The following CNOT6L variants were observed in gnomAD, a reference collection of about 807,000 sequenced individuals.
CNOT6L encodes CCR4-NOT transcription complex subunit 6 like.
A neutral mutation model predicts 64.0 loss-of-function variants in CNOT6L; 7 were observed. The ratio of observed to expected loss-of-function variants is 0.11; its 90% CI spans 0.06 to 0.21. The LOEUF is 0.21. Ranked by LOEUF, CNOT6L falls within the 10% of genes least tolerant of loss-of-function variation. CNOT6L has a pLI of 1.00. For synonymous variants in CNOT6L, 193 were observed against 243.4 expected (o/e 0.79, Z 1.93); for missense variants, 245 against 669.0 (o/e 0.37, Z 6.99).
chr4:77,802,814 G>A (rs954606009), intron 1 of CNOT6L, among the ~76,000 whole-genome samples: 5 of 152,096 alleles, frequency 3.3e-5, no homozygotes, highest in Admixed American at 2.6e-4. Flanking sequence ...GTGGCTAGAC[G>A]GGAATCTGAA....
chr4:77,731,051 A>G lies in CNOT6L; in HGVS notation c.1024+336T>C, dbSNP rs72864910. Among the ~76,000 whole-genome samples, 271 of 152,228 alleles carry G rather than the reference A, an allele frequency of 1.8e-3. 2 individuals are homozygous for G. The highest frequency in any genetic ancestry group is 5.4e-3 in the African/African-American group (226 of 41,560). On this transcript the variant is annotated intron_variant, in intron 9 of 11. Transcript: ENST00000504123. ...AGAATCACACTCAAGCTAAAAATAT[A>G]ATTCAAAAAGAGGGCCAAGTCATCA...
At chr4:77,785,921 AG>A (rs1729382488) in intron 1 of CNOT6L, among the ~76,000 whole-genome samples, 1 of 152,170 alleles carries the variant, frequency 6.6e-6, no homozygotes, top group Admixed American at 6.5e-5. Context: ...CCCTCAAGGA[AG>A]GGGGTTGTAG....
At chr4:77,777,478 GACAAATGGCTCTAA>G (rs1728278950) in intron 1 of CNOT6L, among the ~76,000 whole-genome samples, 1 of 152,172 alleles carries the variant, frequency 6.6e-6, no homozygotes, top group African/African-American at 2.4e-5. Context: ...TGAAGTAGGT[GACAAATGGCTCTAA>G]AGGTAACCTT....
At chr4:77,787,397 TC>T (rs1340017808) in intron 1 of CNOT6L, among the ~76,000 whole-genome samples, 1 of 152,202 alleles carries the variant, frequency 6.6e-6, no homozygotes, top group Non-Finnish European at 1.5e-5. Context: ...GCCTATATCC[TC>T]TAATGATTTA....
chr4:77,748,487 G>A (rs1724455635), intron 5 of CNOT6L, 103 bp from the exon 6 acceptor site: 2 of 763,604 alleles, frequency 2.6e-6, no homozygotes, highest in South Asian at 1.5e-5. Context: ...TGCTGTAACG[G>A]CCTGCAAACT....
At chr4:77,744,558 C>T (rs1263791750) in intron 7 of CNOT6L, among the ~76,000 whole-genome samples, 160 bp downstream of exon 7, 1 of 152,152 alleles carries the variant, frequency 6.6e-6, no homozygotes, top group Admixed American at 6.5e-5. Flanking sequence ...ATGGAAATGT[C>T]TTAAATGCTT....
intron 5 of CNOT6L, among the ~76,000 whole-genome samples, chr4:77,752,704 T>G (rs537934008): frequency 6.6e-6 from 1 of 151,778 alleles, no homozygotes; most frequent in Non-Finnish European, 1.5e-5. Flanking sequence ...GCTTGTGAGA[T>G]ACAGCTAAAA....
At chr4:77,773,472 C>A (rs1163997582) in intron 3 of CNOT6L, among the ~76,000 whole-genome samples, 1 of 152,102 alleles carries the variant, frequency 6.6e-6, no homozygotes, top group Non-Finnish European at 1.5e-5. Flanking sequence ...ACCCAAAATG[C>A]CTATCAAATG....
chr4:77,790,300 C>T (rs1379845325), intron 1 of CNOT6L, among the ~76,000 whole-genome samples: 4 of 152,122 alleles, frequency 2.6e-5, no homozygotes, highest in African/African-American at 9.7e-5. Flanking sequence ...GTTTATTTAT[C>T]CACTCACCTA....
chr4:77,718,547 T>C lies in CNOT6L; in HGVS notation c.*1884A>G, dbSNP rs1241534854. The C allele has an allele frequency of 6.6e-6, 1 of 152,578 alleles. No homozygotes were observed. Among genetic ancestry groups the C allele is most frequent in the Non-Finnish European group, 1.5e-5 (1 of 68,016 alleles). 9.5% of individuals were successfully genotyped at this position (152,578 alleles called of 1,614,324 possible). On this transcript the variant is annotated 3_prime_UTR_variant, in exon 12 of 12. Coordinates refer to ENST00000504123, the MANE Select transcript of CNOT6L (RefSeq NM_144571.3). The stretch of plus-strand genomic sequence containing the variant: ...ATATTTTATTTACATCAAAATTCAC[T>C]GAACTACAATGACATTCCAATTATA...
At chr4:77,725,100 T>A (rs1241680659) in intron 11 of CNOT6L, among the ~76,000 whole-genome samples, 1 of 152,200 alleles carries the variant, frequency 6.6e-6, no homozygotes, top group African/African-American at 2.4e-5. Flanking sequence ...TATCGCTGGA[T>A]TGAATTATCT....
chr4:77,789,821 T>C (rs1729910710), intron 1 of CNOT6L, among the ~76,000 whole-genome samples: 1 of 151,756 alleles, frequency 6.6e-6, no homozygotes, highest in Non-Finnish European at 1.5e-5. Context: ...CATTGTGACA[T>C]GTGCCTATGT....
At chr4:77,779,745 A>C (rs1173017991) in intron 1 of CNOT6L, among the ~76,000 whole-genome samples, 3 of 152,200 alleles carry the variant, frequency 2.0e-5, no homozygotes, top group African/African-American at 7.2e-5. Flanking sequence ...GCAGATCACG[A>C]GGTCAGGAGA....
intron 4 of CNOT6L, among the ~76,000 whole-genome samples, chr4:77,768,474 A>AATAAATAT (rs1215170210): frequency 4.0e-3 from 52 of 12,982 alleles, no homozygotes; most frequent in Non-Finnish European, 8.7e-3. Flanking sequence ...AAAATAAATA[A>AATAAATAT]ATATATATAT....
rs111888434 is a variant in CNOT6L at position 77,807,118 on chromosome 4, G to A, written c.5+12186C>T. Among the ~76,000 whole-genome samples the A allele has an allele frequency of 1.8e-3, 268 of 151,786 alleles. 2 individuals carry two copies. The highest frequency in any genetic ancestry group is 5.3e-3 in the African/African-American group (220 of 41,332). On this transcript the variant is annotated intron_variant, in intron 1 of 11. Transcript: ENST00000504123. ...TCTCGATCTCCTGACCTGGTGATCC[G>A]CCTGCCTTGGTTAGCTGGGCATGGT...
intron 4 of CNOT6L, among the ~76,000 whole-genome samples, chr4:77,758,133 G>T (rs1280111707): frequency 6.6e-6 from 1 of 152,140 alleles, no homozygotes; most frequent in Non-Finnish European, 1.5e-5. Context: ...TAATTGACTT[G>T]CAAGTGAGAA....
intron 1 of CNOT6L, among the ~76,000 whole-genome samples, chr4:77,804,273 C>CA (rs780475607): frequency 6.6e-6 from 1 of 151,558 alleles, no homozygotes; most frequent in Non-Finnish European, 1.5e-5. Context: ...ACTAAAAATA[C>CA]AAAAAATGAG....
intron 7 of CNOT6L, among the ~76,000 whole-genome samples, chr4:77,743,716 C>T (rs1723870340): frequency 6.7e-6 from 1 of 148,404 alleles, no homozygotes; most frequent in African/African-American, 2.5e-5. Flanking sequence ...ATTCTCATGC[C>T]TCAGGCTCCC....
intron 1 of CNOT6L, among the ~76,000 whole-genome samples, chr4:77,808,579 G>T (rs1301228446): frequency 6.6e-6 from 1 of 151,972 alleles, no homozygotes; most frequent in East Asian, 1.9e-4. Context: ...TGTAAGCAGA[G>T]AATTTAAGCA....
Sources: allele counts gnomAD v4.1 joint callset (sites outside exome capture counted in the v4.1 genomes callset), GRCh38; gene constraint gnomAD v4.1.1; transcripts MANE v1.5; gene names NCBI Gene and HGNC (gene_info 2026-07-23, HGNC 2026-07-21).